Variants in DYRK1A observed in about 807,000 individuals in gnomAD.
DYRK1A encodes dual specificity tyrosine-phosphorylation-regulated kinase 1A.
A neutral mutation model predicts 79.7 loss-of-function variants in DYRK1A; 9 were observed. That is an observed-to-expected ratio of 0.11 (90% CI 0.07 to 0.20). DYRK1A has a LOEUF of 0.20. DYRK1A is among the 10% of genes least tolerant of loss of function. The pLI, the probability that DYRK1A is intolerant of heterozygous loss-of-function variation, is 1.00. For synonymous variants in DYRK1A, 349 were observed against 329.7 expected (o/e 1.06, Z -0.63); for missense variants, 622 against 956.0 (o/e 0.65, Z 4.61).
At chr21:37,415,189 A>G (rs1051899370) in intron 1 of DYRK1A, among the ~76,000 whole-genome samples, 1 of 152,180 alleles carries the variant, frequency 6.6e-6, no homozygotes, top group African/African-American at 2.4e-5. Context: ...GAGATAGCCA[A>G]AATTTGGGGC....
rs778835070 is a variant in DYRK1A at position 37,493,186 on chromosome 21, A to G, written c.1071+23A>G. The G allele has an allele frequency of 6.4e-6, 10 of 1,562,610 alleles. No homozygotes were observed. In the Admixed American group the frequency reaches 1.4e-4, roughly 22 times the overall value. ...GAGGTAAATGATGTATTGCTTTACA[A>G]ATTCTGTTTTCATAATTTCTTTTTG... On this transcript the variant is annotated intron_variant, in intron 8 of 11. Transcript: ENST00000647188.
At chr21:37,380,633 A>G (rs908963161) in intron 1 of DYRK1A, among the ~76,000 whole-genome samples, 6 of 152,290 alleles carry the variant, frequency 3.9e-5, no homozygotes, top group African/African-American at 7.2e-5. Flanking sequence ...ATGTGGGCCT[A>G]TAGGGAAGGT....
At chr21:37,410,475 G>GA (rs1284315040) in intron 1 of DYRK1A, 1 of 152,208 alleles carries the variant, frequency 6.6e-6, no homozygotes, top group African/African-American at 2.4e-5. Flanking sequence ...TCCTTAAGGA[G>GA]AGGAGGGGTT....
At position 37,523,582 on chromosome 21, in the gene DYRK1A, G is replaced by A. The variant is rs2053949581; in HGVS notation, c.*11051G>A. On this transcript the variant is annotated 3_prime_UTR_variant, in exon 12 of 12. Coordinates refer to ENST00000647188, the MANE Select transcript of DYRK1A (RefSeq NM_001347721.2). ...CCTTCCAGGGCTATCGGCTGTTCAG[G>A]AACAGGAGAGCTCTGGAAGAGCAGG... 6.6e-6 allele frequency: 1 copy of A among 152,198 alleles called. No individual in the cohort carries two copies. The highest frequency in any genetic ancestry group is 2.4e-5 in the African/African-American group (1 of 41,446). 9.4% of individuals were successfully genotyped at this position (152,198 alleles called of 1,614,324 possible).
chr21:37,425,404 T>A (rs779244730), intron 2 of DYRK1A, among the ~76,000 whole-genome samples: 1 of 152,254 alleles, frequency 6.6e-6, no homozygotes, highest in Non-Finnish European at 1.5e-5. Context: ...TAGTTTTATT[T>A]ATGTTTCTAA....
At chr21:37,455,564 C>G (rs545943561) in intron 2 of DYRK1A, among the ~76,000 whole-genome samples, 8 of 152,220 alleles carry the variant, frequency 5.3e-5, no homozygotes, top group African/African-American at 1.9e-4. Flanking sequence ...ATCTGTCGTC[C>G]GTATTGAAAC....
intron 8 of DYRK1A, among the ~76,000 whole-genome samples, chr21:37,495,152 T>TGTG (rs2053224179): frequency 7.3e-6 from 1 of 137,648 alleles, no homozygotes; most frequent in South Asian, 2.5e-4. Context: ...CTCTGGGATT[T>TGTG]TGTGTGTGTG....
intron 2 of DYRK1A, among the ~76,000 whole-genome samples, chr21:37,463,101 G>A (rs908699296): frequency 1.3e-5 from 2 of 151,968 alleles, no homozygotes; most frequent in African/African-American, 4.8e-5. Context: ...CGTCTTATAT[G>A]AGCAATTTCA....
intron 9 of DYRK1A, among the ~76,000 whole-genome samples, chr21:37,496,743 T>C (rs567044226): frequency 6.6e-6 from 1 of 152,316 alleles, no homozygotes; most frequent in East Asian, 1.9e-4. Flanking sequence ...ACTGACTAGA[T>C]GGTCCTTTGA....
chr21:37,389,924 TG>T lies in DYRK1A; in HGVS notation c.-77+22297del, dbSNP rs375710995. 2.2e-3 allele frequency among the ~76,000 whole-genome samples: 321 copies of T among 149,030 alleles called. 1 individual carries two copies. Among genetic ancestry groups the T allele is most frequent in the African/African-American group, 7.4e-3 (303 of 40,690 alleles). ...GTATTTACTTATGTATTTTGTTTTT[TG>T]TTTTTTTTTTTTTTTAGAGACAGGG... On this transcript the variant is annotated intron_variant, in intron 1 of 11. Coordinates refer to ENST00000647188, the MANE Select transcript of DYRK1A (RefSeq NM_001347721.2).
chr21:37,429,963 A>G (rs1364122154), intron 2 of DYRK1A, among the ~76,000 whole-genome samples: 2 of 152,208 alleles, frequency 1.3e-5, no homozygotes, highest in African/African-American at 2.4e-5. Flanking sequence ...TTAAAAAACT[A>G]TTGAAAAATG....
chr21:37,505,722 T>A (rs2053576295), intron 10 of DYRK1A, 133 bp downstream of exon 10: 3 of 978,518 alleles, frequency 3.1e-6, no homozygotes, highest in African/African-American at 3.3e-5. Context: ...CTGTTCTTTG[T>A]AGTTAGTAGT....
chr21:37,480,430 A>T (rs1256197954), intron 4 of DYRK1A, among the ~76,000 whole-genome samples: 1 of 152,230 alleles, frequency 6.6e-6, no homozygotes, highest in African/African-American at 2.4e-5. Flanking sequence ...ACTTTGGACA[A>T]GTCACTTAAC....
At chr21:37,414,070 T>C (rs566645163) in intron 1 of DYRK1A, among the ~76,000 whole-genome samples, 1 of 152,086 alleles carries the variant, frequency 6.6e-6, no homozygotes, top group Non-Finnish European at 1.5e-5. Context: ...TAAAGATATA[T>C]ATGTATATAT....
intron 11 of DYRK1A, among the ~76,000 whole-genome samples, chr21:37,510,172 C>T (rs2053709761): frequency 6.6e-6 from 1 of 152,144 alleles, no homozygotes; most frequent in Non-Finnish European, 1.5e-5. Flanking sequence ...GATATAAATT[C>T]CTGAAAGCAG....
intron 2 of DYRK1A, among the ~76,000 whole-genome samples, chr21:37,424,957 A>G (rs1291804244): frequency 2.0e-5 from 3 of 152,204 alleles, no homozygotes; most frequent in Non-Finnish European, 4.4e-5. Flanking sequence ...AGGCAAAAAG[A>G]AGAATCTCTT....
intron 8 of DYRK1A, among the ~76,000 whole-genome samples, chr21:37,495,461 C>T (rs1330895356): frequency 1.3e-5 from 2 of 152,112 alleles, no homozygotes; most frequent in African/African-American, 4.8e-5. Context: ...AGTTTAAGAC[C>T]AGTCTGACCA....
rs541348383 is a variant in DYRK1A at position 37,453,411 on chromosome 21, A to G, written c.11-19273A>G. ...TGTTGAATGAATGAAGGAGAGGAAG[A>G]TGAGTTGGTTGTTAAAGGTTGATTG... On this transcript the variant is annotated intron_variant, in intron 2 of 11. Transcript: ENST00000647188. 4.6e-5 allele frequency among the ~76,000 whole-genome samples: 7 copies of G among 152,326 alleles called. No individual in the cohort carries two copies. The South Asian group carries it at 1.2e-3, about 27-fold the overall frequency.
At chr21:37,455,305 CT>C (rs2051599847) in intron 2 of DYRK1A, among the ~76,000 whole-genome samples, 1 of 152,016 alleles carries the variant, frequency 6.6e-6, no homozygotes, top group Non-Finnish European at 1.5e-5. Flanking sequence ...CAGCCACACC[CT>C]TTTCTTTCCT....
Sources: allele counts gnomAD v4.1 joint callset (sites outside exome capture counted in the v4.1 genomes callset), GRCh38; gene constraint gnomAD v4.1.1; transcripts MANE v1.5; gene names NCBI Gene and HGNC (gene_info 2026-07-23, HGNC 2026-07-21).